The following NTNG1 variants were observed in gnomAD, a reference collection of about 807,000 sequenced individuals.
NTNG1 encodes the protein netrin-G1.
In NTNG1, 16 loss-of-function variants were observed where a neutral mutation model predicts 54.0. That is an observed-to-expected ratio of 0.30 (90% CI 0.20 to 0.45). The LOEUF is 0.45. Among genes scored for constraint, NTNG1 ranks in the 20% least tolerant of loss-of-function variants. NTNG1 has a pLI of 1.00. For missense variants in NTNG1, 530 were observed against 678.7 expected, an observed-to-expected ratio of 0.78 and a Z score of 2.43; for synonymous variants, 255 against 263.1, an observed-to-expected ratio of 0.97 and a Z score of 0.30.
rs2101538772 is a variant in NTNG1, at chr1:107,232,731, C to G, written c.246+83892C>G. ...TCTTGTAATCACCATTGATTGCCTA[C>G]TTACTAGTCAGAATCAATAAAAGGA... On this transcript the variant is annotated intron_variant, in intron 2 of 7. Transcript: ENST00000370068. Among the ~76,000 whole-genome samples, 4 of 152,288 alleles carry G rather than the reference C, an allele frequency of 2.6e-5. No homozygotes were observed. The South Asian group carries it at 8.3e-4, about 32-fold the overall frequency.
chr1:107,322,875 G>C (rs1258038298), intron 2 of NTNG1, among the ~76,000 whole-genome samples: 1 of 151,944 alleles, frequency 6.6e-6, no homozygotes, highest in South Asian at 2.1e-4. Context: ...TCCAAAACCT[G>C]TTGCCAACTT....
At chr1:107,319,865 T>TTA (rs1553225209) in intron 2 of NTNG1, among the ~76,000 whole-genome samples, 10,572 of 147,852 alleles carry the variant, frequency 0.072, 451 homozygotes, top group Middle Eastern at 0.16. Context: ...TACCTGAGGT[T>TTA]TATATATATA....
intron 2 of NTNG1, among the ~76,000 whole-genome samples, chr1:107,262,192 C>T (rs993122380): frequency 6.6e-6 from 1 of 152,094 alleles, no homozygotes; most frequent in African/African-American, 2.4e-5. Context: ...TTTTCAAAGC[C>T]GTTACACATG....
At chr1:107,386,888 T>A (rs1055991477) in intron 3 of NTNG1, among the ~76,000 whole-genome samples, 1 of 152,240 alleles carries the variant, frequency 6.6e-6, no homozygotes, top group African/African-American at 2.4e-5. Flanking sequence ...GGATTCCAAT[T>A]TCTCCACATC....
intron 3 of NTNG1, among the ~76,000 whole-genome samples, chr1:107,350,518 G>A (rs910305567): frequency 1.3e-5 from 2 of 152,156 alleles, no homozygotes; most frequent in Admixed American, 1.3e-4. Context: ...TAAAATCAGT[G>A]TCTCAAAGAG....
intron 3 of NTNG1, among the ~76,000 whole-genome samples, chr1:107,356,720 A>C (rs894637640): frequency 6.6e-6 from 1 of 151,520 alleles, no homozygotes; most frequent in African/African-American, 2.4e-5. Context: ...GGAATTAAAG[A>C]CCAATCTGGT....
At chr1:107,427,132 TAA>T (rs1674962275) in intron 5 of NTNG1, among the ~76,000 whole-genome samples, 1 of 152,104 alleles carries the variant, frequency 6.6e-6, no homozygotes, top group Non-Finnish European at 1.5e-5. Flanking sequence ...CAAACAGAGA[TAA>T]TTTGATTTCC....
At position 107,285,165 on chromosome 1, in the gene NTNG1, G is replaced by A. The variant is rs1011764947; in HGVS notation, c.247-39117G>A. 4.6e-5 allele frequency among the ~76,000 whole-genome samples: 7 copies of A among 152,198 alleles called. No individual in the cohort carries two copies. The East Asian group carries it at 7.7e-4, about 17-fold the overall frequency. On this transcript the variant is annotated intron_variant, in intron 2 of 7. Transcript: ENST00000370068. The stretch of plus-strand genomic sequence containing the variant: ...TTTGCACAACTATCCAGAATAACAC[G>A]AAGTAGAGTGGATAAGTAATGTCAC...
chr1:107,288,688 C>T (rs1030904140), intron 2 of NTNG1, among the ~76,000 whole-genome samples: 3 of 152,070 alleles, frequency 2.0e-5, no homozygotes, highest in African/African-American at 7.2e-5. Flanking sequence ...AAAGGATTGA[C>T]AAATGAGTGG....
At chr1:107,469,019 C>T (rs541873015) in intron 7 of NTNG1, among the ~76,000 whole-genome samples, 1 of 151,128 alleles carries the variant, frequency 6.6e-6, no homozygotes, top group Admixed American at 6.6e-5. Context: ...TCGCTTGAAT[C>T]CCGGGAGGCG....
At chr1:107,420,899 A>G (rs1164994470) in intron 5 of NTNG1, among the ~76,000 whole-genome samples, 1 of 152,030 alleles carries the variant, frequency 6.6e-6, no homozygotes, top group African/African-American at 2.4e-5. Flanking sequence ...ATTACTGACA[A>G]TGTTGAACCA....
intron 2 of NTNG1, among the ~76,000 whole-genome samples, chr1:107,237,404 T>C (rs1305522738): frequency 1.3e-5 from 2 of 152,194 alleles, no homozygotes; most frequent in South Asian, 2.1e-4. Flanking sequence ...ATATGCAGCC[T>C]GACAATGCAA....
At chr1:107,177,627 C>T (rs1034642636) in intron 2 of NTNG1, among the ~76,000 whole-genome samples, 3 of 152,170 alleles carry the variant, frequency 2.0e-5, no homozygotes, top group Admixed American at 6.5e-5. Flanking sequence ...ACCACCGCTC[C>T]CGGCCTTAAG....
chr1:107,370,924 A>G (rs528266449), intron 3 of NTNG1, among the ~76,000 whole-genome samples: 1 of 152,202 alleles, frequency 6.6e-6, no homozygotes, highest in Admixed American at 6.5e-5. Flanking sequence ...TGATTTTTGT[A>G]TATTGATCTT....
chr1:107,302,539 GTTTGA>G (rs1214001686), intron 2 of NTNG1, among the ~76,000 whole-genome samples: 1 of 151,778 alleles, frequency 6.6e-6, no homozygotes, highest in Non-Finnish European at 1.5e-5. Context: ...AAACATTTGT[GTTTGA>G]TTTGAGGGTC....
At chr1:107,373,082 T>C (rs1671024902) in intron 3 of NTNG1, among the ~76,000 whole-genome samples, 1 of 152,182 alleles carries the variant, frequency 6.6e-6, no homozygotes, top group African/African-American at 2.4e-5. Flanking sequence ...ATACTTAATG[T>C]AATTATTGAT....
chr1:107,448,568 G>A (rs74754590), intron 7 of NTNG1, among the ~76,000 whole-genome samples: 1 of 152,214 alleles, frequency 6.6e-6, no homozygotes, highest in African/African-American at 2.4e-5. Context: ...CATATGCACA[G>A]TGAAGTTTGA....
chr1:107,178,062 T>C (rs1313283710), intron 2 of NTNG1, among the ~76,000 whole-genome samples: 1 of 152,246 alleles, frequency 6.6e-6, no homozygotes, highest in Non-Finnish European at 1.5e-5. Flanking sequence ...TTCACAGTGT[T>C]AAGATTTTTA....
intron 2 of NTNG1, among the ~76,000 whole-genome samples, chr1:107,303,274 A>G (rs551329516): frequency 1.3e-5 from 2 of 152,330 alleles, no homozygotes; most frequent in East Asian, 3.9e-4. Flanking sequence ...GAAAATTTGA[A>G]ATTGCCTAAA....
Sources: allele counts gnomAD v4.1 joint callset (sites outside exome capture counted in the v4.1 genomes callset), GRCh38; gene constraint gnomAD v4.1.1; transcripts MANE v1.5; gene names NCBI Gene and HGNC (gene_info 2026-07-23, HGNC 2026-07-21).